The following HMCN1 variants were observed in gnomAD, a reference collection of about 807,000 sequenced individuals.
The protein encoded by HMCN1 is hemicentin-1.
A neutral mutation model predicts 625.9 loss-of-function variants in HMCN1; 321 were observed. That is an observed-to-expected ratio of 0.51 (90% CI 0.47 to 0.56). The LOEUF is 0.56. HMCN1 is among the 20% of genes least tolerant of loss of function. The pLI is 0.00. For synonymous variants in HMCN1, 2,425 were observed against 2,417.6 expected, an observed-to-expected ratio of 1.00 and a Z score of -0.09; for missense variants, 6,588 against 6,887.3, an observed-to-expected ratio of 0.96 and a Z score of 1.54.
intron 4 of HMCN1, among the ~76,000 whole-genome samples, chr1:185,870,566 A>G (rs1246575749): frequency 5.3e-5 from 8 of 152,018 alleles, no homozygotes; most frequent in Non-Finnish European, 1.2e-4. Flanking sequence ...TTTATTTTTT[A>G]AATTTTTGTG....
intron 52 of HMCN1, among the ~76,000 whole-genome samples, chr1:186,074,454 C>A (rs1658673043): frequency 6.6e-6 from 1 of 151,690 alleles, no homozygotes; most frequent in Non-Finnish European, 1.5e-5. Context: ...AATATGATAA[C>A]TAAGAACATA....
At chr1:185,952,359 G>T (rs943307154) in intron 11 of HMCN1, among the ~76,000 whole-genome samples, 3 of 151,114 alleles carry the variant, frequency 2.0e-5, no homozygotes, top group African/African-American at 7.4e-5. Context: ...GAGCAGCCTG[G>T]GGAGGAAGGG....
intron 97 of HMCN1, among the ~76,000 whole-genome samples, chr1:186,160,711 T>G (rs1010266500): frequency 2.0e-5 from 3 of 152,216 alleles, no homozygotes; most frequent in Admixed American, 2.0e-4. Flanking sequence ...GTTGTTCAGT[T>G]TCCATGTAGT....
At position 185,994,875 on chromosome 1, in the gene HMCN1, A is replaced by G. The variant is rs1652677238; in HGVS notation, c.3566A>G (p.Asp1189Gly). 6.2e-7 allele frequency: 1 copy of G among 1,613,684 alleles called. No homozygotes were observed. Among genetic ancestry groups the G allele is most frequent in the Non-Finnish European group, 8.5e-7 (1 of 1,179,770 alleles). Residue 1189 changes from aspartate (D) to glycine (G), a missense_variant, in exon 24 of 107, where the codon GAT becomes GGT. By Grantham distance (94) the Asp-to-Gly change is moderately conservative (BLOSUM62 -1). Transcript: ENST00000271588. ...HLKVQVGQRV[D>G]IPCNAQGTPL... The stretch of plus-strand genomic sequence containing the variant: ...AAAGTCCAAGTTGGTCAAAGAGTGG[A>G]TATTCCATGTAATGCTCAAGGGACT...
intron 1 of HMCN1, among the ~76,000 whole-genome samples, chr1:185,768,999 G>T (rs1331181225): frequency 6.6e-6 from 1 of 152,074 alleles, no homozygotes; most frequent in African/African-American, 2.4e-5. Context: ...GAAAATATTT[G>T]TTTCTACATT....
chr1:186,048,483 G>A (rs1558174588), intron 41 of HMCN1, among the ~76,000 whole-genome samples: 1 of 151,966 alleles, frequency 6.6e-6, no homozygotes, highest in Non-Finnish European at 1.5e-5. Flanking sequence ...TTTCTGAATT[G>A]TATTTAAAAG....
At chr1:185,790,466 G>A (rs1271780562) in intron 1 of HMCN1, among the ~76,000 whole-genome samples, 3 of 152,172 alleles carry the variant, frequency 2.0e-5, no homozygotes, top group African/African-American at 4.8e-5. Flanking sequence ...AGAAGAAACA[G>A]GGCTTTGAGG....
At chr1:185,975,440 C>G (rs1472745434) in intron 15 of HMCN1, among the ~76,000 whole-genome samples, 1 of 152,008 alleles carries the variant, frequency 6.6e-6, no homozygotes, top group Admixed American at 6.6e-5. Context: ...GTGATACACA[C>G]TTTTAAATCA....
chr1:185,857,667 C>T (rs1439035219), intron 2 of HMCN1, among the ~76,000 whole-genome samples: 1 of 151,978 alleles, frequency 6.6e-6, no homozygotes, highest in Non-Finnish European at 1.5e-5. Flanking sequence ...TTGTATTACT[C>T]GAAATGGGAT....
intron 11 of HMCN1, among the ~76,000 whole-genome samples, chr1:185,944,110 T>G (rs911298121): frequency 2.0e-5 from 3 of 152,144 alleles, no homozygotes; most frequent in African/African-American, 7.2e-5. Flanking sequence ...ATACAGAAGT[T>G]TCTAGATATG....
At chr1:185,853,873 TC>T (rs2102334250) in intron 2 of HMCN1, among the ~76,000 whole-genome samples, 1 of 152,298 alleles carries the variant, frequency 6.6e-6, no homozygotes, top group South Asian at 2.1e-4. Flanking sequence ...TATGGGAATA[TC>T]CTTAAGGGTA....
intron 16 of HMCN1, among the ~76,000 whole-genome samples, chr1:185,979,719 A>G (rs1651482803): frequency 2.0e-5 from 3 of 152,196 alleles, no homozygotes; most frequent in African/African-American, 4.8e-5. Context: ...CAGTTCTACA[A>G]TTAGATGCAT....
At chr1:186,075,462 T>C (rs1297058541) in intron 53 of HMCN1, among the ~76,000 whole-genome samples, 1 of 152,144 alleles carries the variant, frequency 6.6e-6, no homozygotes, top group East Asian at 1.9e-4. Context: ...TGATTATGGC[T>C]TTTAAAAGCT....
At chr1:185,940,085 C>T (rs1668007185) in intron 11 of HMCN1, among the ~76,000 whole-genome samples, 1 of 152,128 alleles carries the variant, frequency 6.6e-6, no homozygotes, top group African/African-American at 2.4e-5. Context: ...ACAGTTTCAC[C>T]ACTGCATGTT....
Position 186,189,799 on chromosome 1 carries a change from C to T in HMCN1, c.16829C>T (p.Ser5610Leu). 1 of 1,613,828 alleles carries T rather than the reference C, an allele frequency of 6.2e-7. No homozygotes were observed. The highest frequency in any genetic ancestry group is 8.5e-7 in the Non-Finnish European group (1 of 1,179,876). The change falls in exon 107 of 107, where the codon TCA becomes TTA. Residue 5610 changes from serine (S) to leucine (L), a missense_variant. By Grantham distance (145) the Ser-to-Leu change is moderately radical. Coordinates refer to ENST00000271588, the MANE Select transcript of HMCN1 (RefSeq NM_031935.3). The part of the protein sequence containing the change: ...AETYRMRVRA[S>L]SYSANGTIEY... Reference sequence around the variant, plus strand: ...ACCTACCGCATGAGGGTCCGAGCCTCATCCTACAGTGCCAATGGGACCATT... The same window carrying T: ...ACCTACCGCATGAGGGTCCGAGCCTTATCCTACAGTGCCAATGGGACCATT...
At chr1:186,031,733 A>C (rs1234423525) in intron 36 of HMCN1, among the ~76,000 whole-genome samples, 2 of 151,826 alleles carry the variant, frequency 1.3e-5, no homozygotes, top group African/African-American at 2.4e-5. Context: ...TCAATTGACC[A>C]ATCTTCAAAT....
At chr1:185,803,499 T>C (rs1027116576) in intron 1 of HMCN1, among the ~76,000 whole-genome samples, 1 of 152,050 alleles carries the variant, frequency 6.6e-6, no homozygotes, top group Non-Finnish European at 1.5e-5. Flanking sequence ...CCCAGTCAGT[T>C]TTACTTTCCA....
rs759595133 is a variant in HMCN1, at chr1:186,128,096, T to C, written c.12709T>C (p.Tyr4237His). The C allele has an allele frequency of 1.9e-6, 3 of 1,613,502 alleles. No homozygotes were observed. Among genetic ancestry groups the C allele is most frequent in the Admixed American group, 1.7e-5 (1 of 59,948 alleles). Residue 4237 changes from tyrosine (Y) to histidine (H), a missense_variant, in exon 83 of 107, where the codon TAT becomes CAT. Physicochemically the swap from Tyr to His is moderately conservative, Grantham distance 83. Transcript: ENST00000271588. ...ENVVLEDSGF[Y>H]TCVANNAAGE... ...ATTTTAGCTGGAGGATTCTGGCTTCTATACCTGTGTTGCTAACAATGCTGC... is the reference window on the plus strand; with the variant it reads ...ATTTTAGCTGGAGGATTCTGGCTTCCATACCTGTGTTGCTAACAATGCTGC...
chr1:185,927,160 T>G (rs939436759), intron 9 of HMCN1, among the ~76,000 whole-genome samples: 6 of 152,176 alleles, frequency 3.9e-5, no homozygotes, highest in African/African-American at 1.4e-4. Context: ...ATCAATCTGT[T>G]TTTGATGAAT....
Sources: allele counts gnomAD v4.1 joint callset (sites outside exome capture counted in the v4.1 genomes callset), GRCh38; gene constraint gnomAD v4.1.1; transcripts MANE v1.5; gene names NCBI Gene and HGNC (gene_info 2026-07-23, HGNC 2026-07-21).